Variants in SDK1 observed in about 807,000 individuals in gnomAD.
SDK1 encodes sidekick cell adhesion molecule 1, also known as protein sidekick-1.
In SDK1, 157 loss-of-function variants were observed where a neutral mutation model predicts 245.5. The observed-to-expected ratio is 0.64, with a 90% CI of 0.56 to 0.73. The LOEUF (loss-of-function observed/expected upper bound fraction) is 0.73, where lower values mean the gene tolerates loss of function less well. Ranked by LOEUF, SDK1 falls within the 30% of genes least tolerant of loss-of-function variation. The pLI is 0.00. For missense variants in SDK1, 3,583 were observed against 3,002.3 expected (o/e 1.19, Z -4.52); for synonymous variants, 1,647 against 1,278.5 (o/e 1.29, Z -6.15).
At chr7:4,015,571 A>G (rs900541251) in intron 16 of SDK1, among the ~76,000 whole-genome samples, 1 of 152,254 alleles carries the variant, frequency 6.6e-6, no homozygotes, top group South Asian at 2.1e-4. Flanking sequence ...CTTGAGGACC[A>G]TCATGCTACG....
chr7:3,689,392 G>T (rs887025434), intron 4 of SDK1, among the ~76,000 whole-genome samples: 3 of 152,056 alleles, frequency 2.0e-5, no homozygotes, highest in African/African-American at 7.2e-5. Context: ...CCATCCTGCC[G>T]TTATAAGACA....
intron 5 of SDK1, among the ~76,000 whole-genome samples, chr7:3,870,751 A>G (rs1780935636): frequency 6.6e-6 from 1 of 152,212 alleles, no homozygotes; most frequent in African/African-American, 2.4e-5. Flanking sequence ...TAACCAAACT[A>G]CAGAGTTTAT....
chr7:4,239,682 A>G (rs908803644), intron 42 of SDK1, among the ~76,000 whole-genome samples: 1 of 152,092 alleles, frequency 6.6e-6, no homozygotes, highest in Non-Finnish European at 1.5e-5. Flanking sequence ...GCCTGTTTTG[A>G]TCCTACGGAG....
intron 4 of SDK1, among the ~76,000 whole-genome samples, chr7:3,697,820 C>A (rs1297320683): frequency 6.6e-6 from 1 of 152,128 alleles, no homozygotes; most frequent in East Asian, 1.9e-4. Context: ...AAGAGAAAGA[C>A]TGTTAAAAGA....
intron 1 of SDK1, among the ~76,000 whole-genome samples, chr7:3,452,749 C>T (rs1391523560): frequency 2.6e-5 from 4 of 152,176 alleles, no homozygotes; most frequent in Non-Finnish European, 5.9e-5. Flanking sequence ...CTCCCCTCCT[C>T]CACCACCCTG....
At chr7:3,516,472 C>A (rs1046190015) in intron 1 of SDK1, among the ~76,000 whole-genome samples, 1 of 152,024 alleles carries the variant, frequency 6.6e-6, no homozygotes, top group Non-Finnish European at 1.5e-5. Flanking sequence ...TTTAGGTGTT[C>A]TACTTAAAGA....
At chr7:4,114,999 G>T (rs1783608708) in intron 25 of SDK1, among the ~76,000 whole-genome samples, 3 of 152,176 alleles carry the variant, frequency 2.0e-5, no homozygotes, top group Admixed American at 2.0e-4. Context: ...CTGCTGCCCT[G>T]TGCTAATGCT....
chr7:4,235,286 C>T (rs1463404301), intron 41 of SDK1, among the ~76,000 whole-genome samples: 1 of 152,084 alleles, frequency 6.6e-6, no homozygotes, highest in Non-Finnish European at 1.5e-5. Flanking sequence ...TGCCTCAGCT[C>T]GCAAGCAGCT....
intron 1 of SDK1, among the ~76,000 whole-genome samples, chr7:3,344,647 T>C (rs757738704): frequency 6.7e-6 from 1 of 148,476 alleles, no homozygotes; most frequent in Non-Finnish European, 1.5e-5. Context: ...TCAGAATAGG[T>C]GGATATCGTG....
chr7:3,767,153 C>A (rs368477756), intron 4 of SDK1, among the ~76,000 whole-genome samples: 12 of 152,122 alleles, frequency 7.9e-5, no homozygotes, highest in African/African-American at 2.9e-4. Context: ...GAGGAGAAGG[C>A]AGTGAACTTC....
rs867917471 is a variant in SDK1, at chr7:3,879,909, C to T, written c.847+58326C>T. ...TACCATATCTGTCTGTGGCAGGCGG[C>T]GTATGCTACATGACCATTTTTTTTT... On this transcript the variant is annotated intron_variant, in intron 5 of 44. Transcript: ENST00000404826. 3.9e-5 allele frequency among the ~76,000 whole-genome samples: 6 copies of T among 152,130 alleles called. 1 individual carries two copies. The highest frequency in any genetic ancestry group is 6.8e-3 in the Middle Eastern group (2 of 294).
intron 4 of SDK1, among the ~76,000 whole-genome samples, chr7:3,687,393 C>A (rs2880089): frequency 0.81 from 123,835 of 151,976 alleles, 50,677 homozygotes; most frequent in Non-Finnish European, 0.86. Flanking sequence ...TCCCAAAGTG[C>A]TGGGATTACA....
chr7:3,326,614 A>T (rs1366012211), intron 1 of SDK1, among the ~76,000 whole-genome samples: 1 of 152,186 alleles, frequency 6.6e-6, no homozygotes, highest in East Asian at 1.9e-4. Context: ...ACATCCACTG[A>T]GTCCTCATTG....
At chr7:3,512,669 A>G (rs1390299081) in intron 1 of SDK1, among the ~76,000 whole-genome samples, 2 of 152,152 alleles carry the variant, frequency 1.3e-5, no homozygotes, top group East Asian at 3.8e-4. Context: ...GTTGTTGATG[A>G]AGTATCTATT....
intron 1 of SDK1, among the ~76,000 whole-genome samples, chr7:3,462,511 C>G (rs762319674): frequency 6.6e-6 from 1 of 152,104 alleles, no homozygotes; most frequent in Non-Finnish European, 1.5e-5. Context: ...ATAGATGATT[C>G]AAAAATTTAT....
At chr7:4,114,967 T>C (rs909086784) in intron 25 of SDK1, among the ~76,000 whole-genome samples, 1 of 152,256 alleles carries the variant, frequency 6.6e-6, no homozygotes, top group Non-Finnish European at 1.5e-5. Context: ...AGCAGTGTTT[T>C]TGGCCAACCT....
At chr7:3,585,544 A>C (rs1338004773) in intron 1 of SDK1, among the ~76,000 whole-genome samples, 1 of 152,210 alleles carries the variant, frequency 6.6e-6, no homozygotes, top group Admixed American at 6.5e-5. Flanking sequence ...CCAGGGCACA[A>C]AGCTGCAAGA....
In SDK1 at chr7:3,942,327, G is replaced by T. The variant is rs148689886; in HGVS notation, c.848-8596G>T. Among the ~76,000 whole-genome samples the T allele has an allele frequency of 6.6e-5, 10 of 152,296 alleles. No homozygotes were observed. In the East Asian group the frequency reaches 1.9e-3, roughly 29 times the overall value. ...TTATTTCACATGGACCAGCCCACCA[G>T]CAGGTAATGACTCTGCAGAGACGGG... On this transcript the variant is annotated intron_variant, in intron 5 of 44. Transcript: ENST00000404826.
At chr7:3,655,486 T>C (rs1227619187) in intron 4 of SDK1, among the ~76,000 whole-genome samples, 1 of 83,862 alleles carries the variant, frequency 1.2e-5, no homozygotes, top group East Asian at 5.0e-4. Context: ...TATATATATA[T>C]ATATATATAT....
Sources: gnomAD v4.1 joint callset for allele counts (sites outside exome capture counted in the v4.1 genomes callset) on GRCh38, gnomAD v4.1.1 for gene constraint, MANE v1.5 for transcripts, NCBI Gene and HGNC (gene_info 2026-07-23, HGNC 2026-07-21) for gene names.